Variants in ITSN2 observed in about 807,000 individuals in gnomAD.
ITSN2 encodes the protein intersectin-2.
ITSN2 carries 156 observed loss-of-function variants against 243.7 expected under a neutral mutation model. The observed-to-expected ratio is 0.64, with a 90% confidence interval of 0.56 to 0.73. The LOEUF (loss-of-function observed/expected upper bound fraction) is 0.73. Among genes scored for constraint, ITSN2 ranks in the 30% least tolerant of loss-of-function variants. ITSN2 has a pLI of 0.00. For synonymous variants in ITSN2, 703 were observed against 699.9 expected, an observed-to-expected ratio of 1.00 and a Z score of -0.07; for missense variants, 1,801 against 1,996.1, an observed-to-expected ratio of 0.90 and a Z score of 1.86.
At chr2:24,322,447 G>A (rs1684686439) in intron 2 of ITSN2, among the ~76,000 whole-genome samples, 1 of 152,150 alleles carries the variant, frequency 6.6e-6, no homozygotes. Context: ...CAAATATATT[G>A]TCCATTGATT....
intron 8 of ITSN2, among the ~76,000 whole-genome samples, chr2:24,305,320 G>A (rs941023243): frequency 1.3e-5 from 2 of 152,138 alleles, no homozygotes; most frequent in Non-Finnish European, 1.5e-5. Context: ...ACAGACCAGT[G>A]GACAGGCGCG....
At position 24,204,934 on chromosome 2, in the gene ITSN2, G is replaced by T; in HGVS notation, c.4762+280C>A. The T allele has an allele frequency of 2.7e-6, 1 of 374,852 alleles. No homozygotes were observed. Among genetic ancestry groups the T allele is most frequent in the South Asian group, 2.0e-5 (1 of 49,190 alleles). 23.2% of individuals were successfully genotyped at this position (374,852 alleles called of 1,614,324 possible). ...GGCCGAGGCGGGCAGATCACTTGAG[G>T]TCAGGAGTTCGAGACCAGCCTGGCC... On this transcript the variant is annotated intron_variant, in intron 38 of 39. Transcript: ENST00000355123. The surrounding 1 kb of genome is among the most constrained non-coding windows in gnomAD (Gnocchi z 5.1).
At chr2:24,317,286 A>T (rs2151778142) in intron 2 of ITSN2, among the ~76,000 whole-genome samples, 1 of 151,768 alleles carries the variant, frequency 6.6e-6, no homozygotes, top group East Asian at 1.9e-4. Context: ...CAGGAGGCTG[A>T]GGCAAGAGGA....
intron 29 of ITSN2, among the ~76,000 whole-genome samples, chr2:24,236,716 C>G (rs1672201437): frequency 2.8e-5 from 4 of 145,414 alleles, no homozygotes; most frequent in Non-Finnish European, 1.5e-5. Context: ...GTCACTCAGG[C>G]TGGAGTGCAG....
intron 29 of ITSN2, among the ~76,000 whole-genome samples, chr2:24,229,458 A>G (rs1189426156): frequency 6.6e-6 from 1 of 151,994 alleles, no homozygotes; most frequent in African/African-American, 2.4e-5. Flanking sequence ...GTGTGGTGAC[A>G]GGCGCCTGTA....
rs534911126 is a variant in ITSN2 at position 24,260,474 on chromosome 2, A to C, written c.2682+632T>G. Among the ~76,000 whole-genome samples, 25 of 152,002 alleles carry C rather than the reference A, an allele frequency of 1.6e-4. No homozygotes were observed. The East Asian group carries it at 4.6e-3, about 28-fold the overall frequency. The stretch of plus-strand genomic sequence containing the variant: ...CAAATAACTTTAAGAAAAAAAAAAA[A>C]AAACCGTCAAGCCCAAGTCTCTCAT... On this transcript the variant is annotated intron_variant, in intron 22 of 39. Coordinates refer to ENST00000355123, the MANE Select transcript of ITSN2 (RefSeq NM_006277.3).
intron 17 of ITSN2, among the ~76,000 whole-genome samples, chr2:24,276,365 G>A (rs546122147): frequency 6.6e-6 from 1 of 152,200 alleles, no homozygotes; most frequent in South Asian, 2.1e-4. Context: ...ATAATGAAAA[G>A]CATTCCAAAC....
At chr2:24,277,816 G>C (rs1678207941) in intron 17 of ITSN2, among the ~76,000 whole-genome samples, 2 of 152,194 alleles carry the variant, frequency 1.3e-5, no homozygotes, top group South Asian at 4.1e-4. Flanking sequence ...ACTAACAATA[G>C]CTGATGAGCT....
chr2:24,205,394 T>TCTGCCACTGCC (rs1668763964), intron 37 of ITSN2, 97 bp from the exon 38 acceptor site: 2 of 1,001,214 alleles, frequency 2.0e-6, no homozygotes, highest in Middle Eastern at 5.4e-4. Flanking sequence ...CCTGTCCCCA[T>TCTGCCACTGCC]CTGCCACTGC....
chr2:24,343,764 C>T (rs1352284385), intron 1 of ITSN2, among the ~76,000 whole-genome samples: 1 of 152,138 alleles, frequency 6.6e-6, no homozygotes, highest in East Asian at 1.9e-4. Context: ...TGACTTAATT[C>T]AAAAGACATT....
chr2:24,325,413 A>G (rs1685062117), intron 2 of ITSN2, among the ~76,000 whole-genome samples: 1 of 152,140 alleles, frequency 6.6e-6, no homozygotes, highest in African/African-American at 2.4e-5. Context: ...CCTGTCTCAA[A>G]AAACAAAACA....
chr2:24,234,789 T>A (rs937641420), intron 29 of ITSN2, among the ~76,000 whole-genome samples: 26 of 152,100 alleles, frequency 1.7e-4, no homozygotes, highest in African/African-American at 5.8e-4. Flanking sequence ...AAAACAAAAA[T>A]GAGATACCAC....
intron 16 of ITSN2, 45 bp from the exon 17 acceptor site, chr2:24,284,888 ATTTTTTTTTTT>A (rs138100580): frequency 5.9e-5 from 22 of 370,672 alleles, no homozygotes; most frequent in African/African-American, 9.1e-5. Flanking sequence ...TACGTACAGA[ATTTTTTTTTTT>A]TTTTTTTTTT....
chr2:24,209,341 G>A (rs1029656753), intron 35 of ITSN2, 120 bp from the exon 36 acceptor site: 20 of 1,111,720 alleles, frequency 1.8e-5, no homozygotes, highest in Admixed American at 1.8e-4. Context: ...AAGGGGTCTA[G>A]CGTCTAAGGT....
chr2:24,312,163 G>A, intron 5 of ITSN2, 49 bp downstream of exon 5: 4 of 1,422,114 alleles, frequency 2.8e-6, no homozygotes, highest in Non-Finnish European at 3.8e-6. Flanking sequence ...TATGCCTAGG[G>A]ATAAAGTTTA....
At chr2:24,345,333 C>A (rs1488917121) in intron 1 of ITSN2, among the ~76,000 whole-genome samples, 1 of 152,052 alleles carries the variant, frequency 6.6e-6, no homozygotes, top group Non-Finnish European at 1.5e-5. Flanking sequence ...TTATGAAGAG[C>A]AAAACATGAC....
At chr2:24,289,409 G>C (rs1679951286) in intron 15 of ITSN2, among the ~76,000 whole-genome samples, 1 of 151,974 alleles carries the variant, frequency 6.6e-6, no homozygotes, top group African/African-American at 2.4e-5. Flanking sequence ...TTTTTGAATA[G>C]TTATTGGTGT....
intron 1 of ITSN2, among the ~76,000 whole-genome samples, chr2:24,339,732 A>C (rs1312012369): frequency 6.6e-6 from 1 of 152,136 alleles, no homozygotes; most frequent in African/African-American, 2.4e-5. Flanking sequence ...TTTCAGAAAC[A>C]ACTAAATAGG....
intron 1 of ITSN2, among the ~76,000 whole-genome samples, chr2:24,343,601 GA>G (rs1254073485): frequency 3.3e-5 from 5 of 152,140 alleles, no homozygotes; most frequent in Non-Finnish European, 5.9e-5. Context: ...ATAAATTCTA[GA>G]AGTGGAAGTA....
Sources: gnomAD v4.1 joint callset for allele counts (sites outside exome capture counted in the v4.1 genomes callset) on GRCh38, gnomAD v4.1.1 for gene constraint, Gnocchi (gnomAD v3.1) non-coding constraint, MANE v1.5 for transcripts, NCBI Gene and HGNC (gene_info 2026-07-23, HGNC 2026-07-21) for gene names.